UHRF1: variants seen among roughly 807,000 people sequenced by gnomAD.
UHRF1 encodes the protein E3 ubiquitin-protein ligase UHRF1.
A neutral mutation model predicts 96.5 loss-of-function variants in UHRF1; 9 were observed. The ratio of observed to expected loss-of-function variants is 0.09; its 90% confidence interval spans 0.06 to 0.16. The LOEUF (loss-of-function observed/expected upper bound fraction) is 0.16, where lower values mean the gene tolerates loss of function less well. Ranked by LOEUF, UHRF1 falls within the 10% of genes least tolerant of loss-of-function variation. The pLI, the probability that UHRF1 is intolerant of heterozygous loss-of-function variation, is 1.00. For synonymous variants in UHRF1, 455 were observed against 469.9 expected, an observed-to-expected ratio of 0.97 and a Z score of 0.41; for missense variants, 626 against 1,131.1, an observed-to-expected ratio of 0.55 and a Z score of 6.40.
rs577902788 is a variant in UHRF1 at position 4,944,544 on chromosome 19, G to A, written c.1305+94G>A. Reference sequence around the variant, plus strand: ...CTGGCTTTGGCCAGCCAGGGGTCAGGGTGGTTACCAGTGGTGCCTCGGCTA... The same window carrying A: ...CTGGCTTTGGCCAGCCAGGGGTCAGAGTGGTTACCAGTGGTGCCTCGGCTA... On this transcript the variant is annotated intron_variant, in intron 9 of 16. Transcript: ENST00000650932. 4.4e-6 allele frequency: 6 copies of A among 1,370,782 alleles called. No homozygotes were observed. The African/African-American group carries it at 7.1e-5, about 16-fold the overall frequency. The allele number at this position is 1,370,782 out of a possible 1,614,324, so 84.9% of individuals were successfully genotyped here.
At chr19:4,923,530 T>C (rs1482175131) in intron 2 of UHRF1, among the ~76,000 whole-genome samples, 1 of 152,198 alleles carries the variant, frequency 6.6e-6, no homozygotes, top group Admixed American at 6.5e-5. Context: ...GAGCGCGGCC[T>C]GTGTGCCCCT....
At chr19:4,912,155 G>T (rs755573672) in intron 2 of UHRF1, among the ~76,000 whole-genome samples, 2 of 152,140 alleles carry the variant, frequency 1.3e-5, no homozygotes, top group Non-Finnish European at 2.9e-5. Flanking sequence ...GAGTTAACCC[G>T]CCCTGCCCCG....
chr19:4,920,531 C>G (rs1322622583), intron 2 of UHRF1, among the ~76,000 whole-genome samples: 2 of 152,180 alleles, frequency 1.3e-5, no homozygotes, highest in Non-Finnish European at 2.9e-5. Context: ...CTACCCTACC[C>G]ACTTACCTCT....
intron 2 of UHRF1, among the ~76,000 whole-genome samples, chr19:4,919,757 A>G (rs1409191495): frequency 6.6e-6 from 1 of 152,106 alleles, no homozygotes; most frequent in Non-Finnish European, 1.5e-5. Context: ...AGGTTCAATG[A>G]TAGGAGACTT....
intron 11 of UHRF1, among the ~76,000 whole-genome samples, chr19:4,950,232 C>G (rs2033680148): frequency 6.7e-6 from 1 of 148,998 alleles, no homozygotes; most frequent in Admixed American, 6.8e-5. Flanking sequence ...ACATATATAA[C>G]TTTGAAATAT....
chr19:4,956,685 G>A (rs545964359), intron 15 of UHRF1, 24 bp from the exon 16 acceptor site: 3 of 1,531,184 alleles, frequency 2.0e-6, no homozygotes, highest in East Asian at 4.6e-5. Flanking sequence ...TGTCTTTGCC[G>A]GCCTCACACC....
chr19:4,952,219 A>G (rs886557515), intron 13 of UHRF1, among the ~76,000 whole-genome samples: 1 of 147,416 alleles, frequency 6.8e-6, no homozygotes, highest in Non-Finnish European at 1.5e-5. Context: ...CAGCCTCCTG[A>G]GTAGCTGGGA....
chr19:4,960,605 G>A (rs2033962878), intron 16 of UHRF1, 52 bp from the exon 17 acceptor site: 20 of 1,594,910 alleles, frequency 1.3e-5, no homozygotes, highest in Non-Finnish European at 1.7e-5. Flanking sequence ...GTGGCCAGGA[G>A]CAAACCTGAT....
At chr19:4,933,677 G>A (rs138651390) in intron 5 of UHRF1, among the ~76,000 whole-genome samples, 53 of 152,212 alleles carry the variant, frequency 3.5e-4, no homozygotes, top group African/African-American at 1.2e-3. Flanking sequence ...AACTTTCCAG[G>A]GACATTCTGT....
intron 5 of UHRF1, among the ~76,000 whole-genome samples, chr19:4,937,539 T>A (rs1269208234): frequency 6.6e-6 from 1 of 151,942 alleles, no homozygotes; most frequent in African/African-American, 2.4e-5. Flanking sequence ...TATTTTTGTA[T>A]TTTTAGTAGA....
chr19:4,943,098 G>A (rs543680309), intron 7 of UHRF1, among the ~76,000 whole-genome samples: 58 of 152,092 alleles, frequency 3.8e-4, no homozygotes, highest in Non-Finnish European at 6.9e-4. Context: ...AAGTTAGCCA[G>A]GCGTGGTGCC....
At chr19:4,951,941 T>C (rs983677523) in intron 13 of UHRF1, among the ~76,000 whole-genome samples, 4 of 152,194 alleles carry the variant, frequency 2.6e-5, no homozygotes, top group Middle Eastern at 3.2e-3. Context: ...GAATCTTAAT[T>C]GCTGTCGAGA....
upstream of UHRF1, among the ~76,000 whole-genome samples, chr19:4,904,897 G>T (rs2146264679): frequency 6.6e-6 from 1 of 152,188 alleles, no homozygotes; most frequent in Middle Eastern, 3.4e-3. Context: ...TGAGAGGGAG[G>T]GACATTGAAT....
chr19:4,915,321 C>T (rs2146291936), intron 2 of UHRF1, among the ~76,000 whole-genome samples: 1 of 152,332 alleles, frequency 6.6e-6, no homozygotes, highest in African/African-American at 2.4e-5. Context: ...GGCGCGGCCT[C>T]TGTTAGGGTG....
chr19:4,953,940 G>A (rs1474056695), intron 13 of UHRF1, among the ~76,000 whole-genome samples: 1 of 151,880 alleles, frequency 6.6e-6, no homozygotes, highest in African/African-American at 2.4e-5. Flanking sequence ...CAGCTACTCG[G>A]GAGGCTGAGG....
intron 2 of UHRF1, among the ~76,000 whole-genome samples, chr19:4,928,555 G>A (rs540565469): frequency 2.1e-4 from 32 of 152,306 alleles, no homozygotes; most frequent in African/African-American, 6.5e-4. Flanking sequence ...CACAAAGGGC[G>A]GGTGGAGCTG....
rs2065987375 is a variant in UHRF1, at chr19:4,944,153, T to C, written c.1095T>C (p.Asn365=). Reference sequence around the variant, plus strand: ...GCAGGTACTGCCCTGAGTGCCGGAATGATGCCAGCGAGGTGGTACTGGCGG... The same window carrying C: ...GCAGGTACTGCCCTGAGTGCCGGAACGATGCCAGCGAGGTGGTACTGGCGG... ...EDEWYCPECR[N]DASEVVLAGE... is the part of the protein sequence containing the mutation. The change falls in exon 8 of 17, where the codon AAT becomes AAC. Residue 365 remains asparagine (N), a synonymous_variant. Transcript: ENST00000650932. The C allele has an allele frequency of 6.2e-7, 1 of 1,613,982 alleles. No homozygotes were observed.
At chr19:4,958,418 G>A (rs1446691677) in intron 16 of UHRF1, among the ~76,000 whole-genome samples, 1 of 152,266 alleles carries the variant, frequency 6.6e-6, no homozygotes, top group African/African-American at 2.4e-5. Flanking sequence ...GGCACAGGCA[G>A]AGGGCTGGCT....
intron 3 of UHRF1, 88 bp downstream of exon 3, chr19:4,929,564 T>C (rs1448617877): frequency 6.6e-7 from 1 of 1,519,444 alleles, no homozygotes; most frequent in African/African-American, 1.4e-5. Flanking sequence ...AGGAGGGGCT[T>C]CCCACGCGCC....
Sources: allele counts gnomAD v4.1 joint callset (sites outside exome capture counted in the v4.1 genomes callset), GRCh38; gene constraint gnomAD v4.1.1; transcripts MANE v1.5; gene names NCBI Gene and HGNC (gene_info 2026-07-23, HGNC 2026-07-21).